MYOM1: variants seen among roughly 807,000 people sequenced by gnomAD.
The protein encoded by MYOM1 is myomesin 1.
A neutral mutation model predicts 205.3 loss-of-function variants in MYOM1; 164 were observed. The ratio of observed to expected loss-of-function variants is 0.80; its 90% confidence interval spans 0.70 to 0.91. The LOEUF is 0.91. Ranked by LOEUF, MYOM1 falls within the 40% of genes least tolerant of loss-of-function variation. The pLI is 0.00. For missense variants in MYOM1, 2,011 were observed against 2,127.3 expected, an observed-to-expected ratio of 0.95 and a Z score of 1.08; for synonymous variants, 772 against 789.4, an observed-to-expected ratio of 0.98 and a Z score of 0.37.
At position 3,164,274 on chromosome 18, in the gene MYOM1, T is replaced by A; in HGVS notation, c.1501+4A>T. The A allele has an allele frequency of 6.2e-7, 1 of 1,612,186 alleles. No homozygotes were observed. Among genetic ancestry groups the A allele is most frequent in the South Asian group, 1.1e-5 (1 of 90,590 alleles). On this transcript the variant is annotated splice_donor_region_variant and intron_variant, in intron 10 of 37. Transcript: ENST00000356443. ...TAGGTGTTTTGTTTTTTGCTAGGAC[T>A]TACCTCGAACAAAGACATAAGCACT...
At chr18:3,169,393 A>C (rs942836748) in intron 8 of MYOM1, among the ~76,000 whole-genome samples, 9 of 152,194 alleles carry the variant, frequency 5.9e-5, no homozygotes, top group Non-Finnish European at 1.2e-4. Context: ...TATTCATAAA[A>C]ATGGCGTTTT....
At chr18:3,158,806 G>A (rs532032405) in intron 10 of MYOM1, among the ~76,000 whole-genome samples, 1 of 151,946 alleles carries the variant, frequency 6.6e-6, no homozygotes, top group East Asian at 1.9e-4. Flanking sequence ...TAGAGACAGG[G>A]TCTCACTGTG....
intron 16 of MYOM1, among the ~76,000 whole-genome samples, chr18:3,133,976 C>T (rs957274068): frequency 6.6e-6 from 1 of 152,186 alleles, no homozygotes; most frequent in African/African-American, 2.4e-5. Context: ...AATTCTCCCA[C>T]TTCAACCTCT....
At chr18:3,140,329 C>A (rs2080030095) in intron 14 of MYOM1, among the ~76,000 whole-genome samples, 1 of 151,788 alleles carries the variant, frequency 6.6e-6, no homozygotes, top group Admixed American at 6.6e-5. Context: ...ATTGCTTAAA[C>A]CAGGGAGGCG....
rs751992387 is a variant in MYOM1, at chr18:3,179,190, C to G, written c.930-3056G>C. Among the ~76,000 whole-genome samples, 10 of 152,140 alleles carry G rather than the reference C, an allele frequency of 6.6e-5. No homozygotes were observed. The South Asian group carries it at 1.9e-3, about 28-fold the overall frequency. On this transcript the variant is annotated intron_variant, in intron 5 of 37. Coordinates refer to ENST00000356443, the MANE Select transcript of MYOM1 (RefSeq NM_003803.4). This position sits in a 1 kb window ranked among gnomAD's most constrained non-coding sequence, Gnocchi z 4.4. ...GGCCTGATCCACATTTACTTCTATT[C>G]CTACTCCTGAGGAAGAATGAGTCAT...
chr18:3,095,492 T>G (rs1370011728), intron 25 of MYOM1, among the ~76,000 whole-genome samples: 1 of 152,216 alleles, frequency 6.6e-6, no homozygotes, highest in East Asian at 1.9e-4. Flanking sequence ...TGCTTGAACC[T>G]GGGAGGCGGA....
At chr18:3,203,744 A>G (rs901987124) in intron 2 of MYOM1, among the ~76,000 whole-genome samples, 1 of 149,872 alleles carries the variant, frequency 6.7e-6, no homozygotes, top group African/African-American at 2.4e-5. Context: ...TTTTTTTTCC[A>G]AAAATAGAGA....
intron 22 of MYOM1, among the ~76,000 whole-genome samples, chr18:3,104,101 C>A (rs1245358807): frequency 2.6e-5 from 4 of 152,116 alleles, no homozygotes; most frequent in Non-Finnish European, 5.9e-5. Flanking sequence ...AAGTTGCAGC[C>A]CACATTTTAT....
At chr18:3,109,429 G>C (rs538515152) in intron 22 of MYOM1, among the ~76,000 whole-genome samples, 1 of 152,238 alleles carries the variant, frequency 6.6e-6, no homozygotes, top group South Asian at 2.1e-4. Flanking sequence ...ATAATTAATG[G>C]GCAGGAAGCA....
chr18:3,225,777 C>T, the MYOM1 span, among the ~76,000 whole-genome samples: 14 of 152,310 alleles, frequency 9.2e-5, no homozygotes, highest in East Asian at 3.9e-4. Context: ...CCTCCCAGCA[C>T]GCCCCTTCTT....
At chr18:3,201,103 A>C (rs544628744) in intron 2 of MYOM1, among the ~76,000 whole-genome samples, 1 of 152,336 alleles carries the variant, frequency 6.6e-6, no homozygotes, top group South Asian at 2.1e-4. Context: ...ATGTTAATCA[A>C]GAATTCTATA....
intron 22 of MYOM1, among the ~76,000 whole-genome samples, chr18:3,109,444 T>C (rs1822230964): frequency 2.6e-5 from 4 of 152,244 alleles, no homozygotes; most frequent in Admixed American, 2.6e-4. Context: ...GAAGCAAGTT[T>C]GATGTTCTGC....
chr18:3,194,892 A>G (rs1389686435), intron 2 of MYOM1, among the ~76,000 whole-genome samples: 3 of 145,188 alleles, frequency 2.1e-5, no homozygotes, highest in African/African-American at 8.0e-5. Flanking sequence ...ATCATTTTGT[A>G]AATTTGAAAC....
At chr18:3,136,241 T>C (rs572398653) in intron 14 of MYOM1, among the ~76,000 whole-genome samples, 6 of 152,042 alleles carry the variant, frequency 3.9e-5, no homozygotes, top group Non-Finnish European at 8.8e-5. Flanking sequence ...AATTACCCAG[T>C]CTCTGGTATG....
intron 1 of MYOM1, among the ~76,000 whole-genome samples, chr18:3,215,592 C>T (rs888983566): frequency 2.0e-5 from 3 of 152,090 alleles, no homozygotes; most frequent in African/African-American, 7.2e-5. Context: ...CAGAGCAAGA[C>T]ACTGTCTAAA....
chr18:3,142,265 GT>G (rs202105531), intron 13 of MYOM1, among the ~76,000 whole-genome samples: 1 of 151,442 alleles, frequency 6.6e-6, no homozygotes. Flanking sequence ...TGTTGTTTTG[GT>G]TTTTTTTGGA....
intron 10 of MYOM1, 151 bp downstream of exon 10, chr18:3,164,127 G>T: frequency 1.3e-6 from 1 of 798,738 alleles, no homozygotes; most frequent in Non-Finnish European, 1.9e-6. Flanking sequence ...AAAGTGCTGG[G>T]ATTACAGGCG....
In MYOM1 at chr18:3,174,195, C is replaced by T. The variant is rs758072653; in HGVS notation, c.1036G>A (p.Asp346Asn). Residue 346 changes from aspartate to asparagine, a missense_variant, in exon 7 of 38, where the codon GAT (aspartate) becomes AAT (asparagine). Coordinates refer to ENST00000356443, the MANE Select transcript of MYOM1 (RefSeq NM_003803.4). Reference protein sequence around the residue: ...TLEINGCDFEDTAQYRASAMN... With the variant: ...TLEINGCDFENTAQYRASAMN... ...GCCGAGGCCCGGTACTGAGCTGTATCTTCAAAATCACATCTGAAAGAACAG... is the reference window on the plus strand; with the variant it reads ...GCCGAGGCCCGGTACTGAGCTGTATTTTCAAAATCACATCTGAAAGAACAG... The T allele has an allele frequency of 1.2e-6, 2 of 1,612,974 alleles. No individual in the cohort carries two copies. The highest frequency in any genetic ancestry group is 1.1e-5 in the South Asian group (1 of 90,798).
rs1264856298 is a variant in MYOM1, at chr18:3,187,554, G to A, written c.855C>T (p.Ser285=). The A allele has an allele frequency of 1.9e-6, 3 of 1,613,824 alleles. No homozygotes were observed. Among genetic ancestry groups the A allele is most frequent in the Admixed American group, 3.3e-5 (2 of 60,000 alleles). ...CATTCTCCTTCTCCCAAACCGTGTGGGAGCGAGGTTTAATGATAAACTCAG... is the reference window on the plus strand; with the variant it reads ...CATTCTCCTTCTCCCAAACCGTGTGAGAGCGAGGTTTAATGATAAACTCAG... ...HAPEFIIKPR[S]HTVWEKENVK... is the part of the protein sequence containing the mutation. The change falls in exon 5 of 38, where the codon TCC becomes TCT. Residue 285 remains serine (S), a synonymous_variant. Transcript: ENST00000356443.
Sources: allele counts gnomAD v4.1 joint callset (sites outside exome capture counted in the v4.1 genomes callset), GRCh38; gene constraint gnomAD v4.1.1; non-coding constraint Gnocchi (gnomAD v3.1); transcripts MANE v1.5; gene names NCBI Gene and HGNC (gene_info 2026-07-23, HGNC 2026-07-21).